SYNE2: variants seen among roughly 807,000 people sequenced by gnomAD.
The protein encoded by SYNE2 is nesprin-2.
SYNE2 carries 431 observed loss-of-function variants against 856.3 expected under a neutral mutation model. The observed-to-expected ratio is 0.50, with a 90% CI of 0.47 to 0.55. SYNE2 has a LOEUF of 0.55. SYNE2 is among the 20% of genes least tolerant of loss of function. The probability of loss-of-function intolerance (pLI) is 0.00; values close to 1 mark genes in which losing one functional copy is unlikely to be tolerated. For synonymous variants in SYNE2, 2,923 were observed against 2,872.3 expected (o/e 1.02, Z -0.56); for missense variants, 8,129 against 8,023.2 (o/e 1.01, Z -0.50).
At chr14:64,146,616 A>G (rs1467940510) in intron 84 of SYNE2, among the ~76,000 whole-genome samples, 1 of 152,170 alleles carries the variant, frequency 6.6e-6, no homozygotes, top group African/African-American at 2.4e-5. Context: ...TTTCGAGGAA[A>G]ATGATTTTCT....
At chr14:64,215,412 C>T in intron 107 of SYNE2, 58 bp downstream of exon 107, 2 of 1,535,740 alleles carry the variant, frequency 1.3e-6, no homozygotes, top group Non-Finnish European at 1.8e-6. Context: ...CACACTGCAT[C>T]CTCAACCTCG....
intron 23 of SYNE2, among the ~76,000 whole-genome samples, chr14:63,996,144 G>C (rs920867529): frequency 1.3e-5 from 2 of 152,206 alleles, no homozygotes; most frequent in Admixed American, 6.5e-5. Flanking sequence ...TTTATATTCT[G>C]CCTACTGGTA....
chr14:63,925,756 A>G (rs2153385938), intron 2 of SYNE2, among the ~76,000 whole-genome samples: 1 of 152,320 alleles, frequency 6.6e-6, no homozygotes, highest in African/African-American at 2.4e-5. Flanking sequence ...GATAAGTGAA[A>G]TCATGTGACG....
intron 105 of SYNE2, among the ~76,000 whole-genome samples, chr14:64,213,829 A>C (rs547204899): frequency 6.6e-6 from 1 of 152,318 alleles, no homozygotes; most frequent in East Asian, 1.9e-4. Flanking sequence ...GAACATTCAA[A>C]TGTCCTTTTC....
chr14:64,034,474 G>A (rs9783605), intron 45 of SYNE2: 405,180 of 486,856 alleles, frequency 0.83, 170,457 homozygotes, highest in Non-Finnish European at 0.88. Context: ...TTTTTCTTTA[G>A]TAAATGTCAT....
intron 88 of SYNE2, chr14:64,162,701 A>G (rs1036422882): frequency 3.5e-5 from 10 of 282,798 alleles, no homozygotes; most frequent in East Asian, 8.6e-5. Flanking sequence ...TTCAGACTAC[A>G]TTAAAGACTT....
At chr14:64,110,284 G>C (rs1213191376) in intron 65 of SYNE2, among the ~76,000 whole-genome samples, 1 of 152,146 alleles carries the variant, frequency 6.6e-6, no homozygotes, top group African/African-American at 2.4e-5. Flanking sequence ...ACTGATTACT[G>C]ATTACTTCAC....
Position 64,025,047 on chromosome 14 carries a change from T to A in SYNE2, c.5960+16T>A. ...CTAGAAAGAGGTATAGCTGATCTTG[T>A]ATGAAATACATTACCTGAGATTATG... On this transcript the variant is annotated intron_variant, in intron 40 of 115. Transcript: ENST00000555002. The A allele has an allele frequency of 6.2e-7, 1 of 1,614,084 alleles. No homozygotes were observed. Among genetic ancestry groups the A allele is most frequent in the South Asian group, 1.1e-5 (1 of 91,084 alleles).
chr14:64,202,497 A>G (rs2098578008), intron 99 of SYNE2, among the ~76,000 whole-genome samples: 1 of 152,222 alleles, frequency 6.6e-6, no homozygotes, highest in Non-Finnish European at 1.5e-5. Flanking sequence ...AGCCCCAGGA[A>G]GATGAACTGG....
intron 78 of SYNE2, among the ~76,000 whole-genome samples, chr14:64,136,173 C>G (rs1048960481): frequency 1.3e-5 from 2 of 151,720 alleles, no homozygotes; most frequent in African/African-American, 4.8e-5. Flanking sequence ...GCCTATAATC[C>G]CAGCTACTTG....
At chr14:64,162,424 G>A (rs887406658) in intron 88 of SYNE2, 148 bp downstream of exon 88, 1 of 834,482 alleles carries the variant, frequency 1.2e-6, no homozygotes, top group African/African-American at 1.7e-5. Flanking sequence ...CATAGGCAAG[G>A]CTGGGAGGAC....
Position 64,129,813 on chromosome 14 carries a change from A to G in SYNE2, c.14051A>G (p.Asn4684Ser). 6.2e-7 allele frequency: 1 copy of G among 1,614,128 alleles called. No individual in the cohort carries two copies. Among genetic ancestry groups the G allele is most frequent in the Non-Finnish European group, 8.5e-7 (1 of 1,180,030 alleles). ...GATGCATATACAGTGGAGCTGGAGA[A>G]CGCCGAGAGCCGAGTGGCCAAACTA... ...KADAYTVELENAESRVAKLRD... is the reference protein window; with the variant it reads ...KADAYTVELESAESRVAKLRD... The change falls in exon 75 of 116, where the codon AAC becomes AGC. Residue 4684 changes from asparagine (N) to serine (S), a missense_variant. By Grantham distance (46) the Asn-to-Ser change is conservative. Transcript: ENST00000555002.
intron 1 of SYNE2, among the ~76,000 whole-genome samples, chr14:63,859,908 TTTTC>T (rs1893031226): frequency 6.6e-6 from 1 of 151,978 alleles, no homozygotes; most frequent in South Asian, 2.1e-4. Context: ...CCTTTCTCTC[TTTTC>T]TTTCTCTCTC....
In SYNE2 at chr14:64,090,865, G is replaced by T; in HGVS notation, c.11794-1G>T. The T allele has an allele frequency of 6.2e-7, 1 of 1,613,328 alleles. No individual in the cohort carries two copies. The highest frequency in any genetic ancestry group is 8.5e-7 in the Non-Finnish European group (1 of 1,179,488). On this transcript the variant is annotated splice_acceptor_variant, in intron 59 of 115. Transcript: ENST00000555002. LOFTEE classifies it high-confidence loss of function. ...TAACATGCTCCTCTTATATAATTAA[G>T]GTCATACTTGAAAATATACGTCCCA...
In SYNE2 at chr14:64,113,349, ACCT is replaced by A. The variant is rs2153657481; in HGVS notation, c.12622_12624del (p.Pro4208del). On this transcript the variant is annotated inframe_deletion, in exon 66 of 116. Coordinates refer to ENST00000555002, the MANE Select transcript of SYNE2 (RefSeq NM_182914.3). Reference sequence around the variant, plus strand: ...CTTTGGATTTCTCTTAGGGCACCACACCTCCTATTGAGGCTGACACTCTGGACT... The same window carrying A: ...CTTTGGATTTCTCTTAGGGCACCACACCTATTGAGGCTGACACTCTGGACT... The A allele has an allele frequency of 6.2e-7, 1 of 1,613,630 alleles. No homozygotes were observed.
chr14:64,077,299 A>AT (rs1487466935), intron 54 of SYNE2, among the ~76,000 whole-genome samples: 1 of 152,218 alleles, frequency 6.6e-6, no homozygotes, highest in East Asian at 1.9e-4. Context: ...TGCCAGGAGA[A>AT]TAAGTGCTCA....
chr14:63,823,511 C>G (rs1156701170), intron 1 of SYNE2, among the ~76,000 whole-genome samples: 1 of 151,916 alleles, frequency 6.6e-6, no homozygotes, highest in African/African-American at 2.4e-5. Context: ...GAATTAACAC[C>G]TGTACTTCAC....
chr14:63,818,742 A>C (rs1278626609), intron 1 of SYNE2, among the ~76,000 whole-genome samples: 1 of 137,736 alleles, frequency 7.3e-6, no homozygotes, highest in Non-Finnish European at 1.5e-5. Context: ...TCTGTCACCC[A>C]GGCTGGAGTG....
At chr14:64,143,363 C>T (rs2098155642) in intron 82 of SYNE2, among the ~76,000 whole-genome samples, 1 of 152,136 alleles carries the variant, frequency 6.6e-6, no homozygotes, top group Admixed American at 6.5e-5. Flanking sequence ...CTTAAGGTGT[C>T]CTGGGTTTTC....
Sources: gnomAD v4.1 joint callset for allele counts (sites outside exome capture counted in the v4.1 genomes callset) on GRCh38, gnomAD v4.1.1 for gene constraint, MANE v1.5 for transcripts, NCBI Gene and HGNC (gene_info 2026-07-23, HGNC 2026-07-21) for gene names.